The following TBC1D4 variants were observed in gnomAD, a reference collection of about 807,000 sequenced individuals.
The protein encoded by TBC1D4 is TBC1 domain family member 4.
In TBC1D4, 121 loss-of-function variants were observed where a neutral mutation model predicts 142.5. The observed-to-expected ratio is 0.85, with a 90% CI of 0.73 to 0.99. The LOEUF (loss-of-function observed/expected upper bound fraction) is 0.99, where lower values mean the gene tolerates loss of function less well. Among genes scored for constraint, TBC1D4 ranks in the 50% least tolerant of loss-of-function variants. The pLI is 0.00. For synonymous variants in TBC1D4, 630 were observed against 628.2 expected (o/e 1.00, Z -0.04); for missense variants, 1,475 against 1,606.6 (o/e 0.92, Z 1.40).
intron 2 of TBC1D4, 74 bp downstream of exon 2, chr13:75,361,952 G>A: frequency 6.6e-7 from 1 of 1,521,794 alleles, no homozygotes; most frequent in Non-Finnish European, 9.1e-7. Flanking sequence ...GTGGAGCTGG[G>A]AGGAACTGGA....
Position 75,309,942 on chromosome 13 carries a change from C to A in TBC1D4, c.2593G>T (p.Ala865Ser). 2 of 1,614,030 alleles carry A rather than the reference C, an allele frequency of 1.2e-6. No homozygotes were observed. Among genetic ancestry groups the A allele is most frequent in the Non-Finnish European group, 8.5e-7 (1 of 1,179,942 alleles). The change falls in exon 14 of 21, where the codon GCA becomes TCA. Residue 865 changes from alanine (A) to serine (S), a missense_variant and splice_region_variant. Transcript: ENST00000377636. Reference sequence around the variant, plus strand: ...CATTTAGTCTGTTAAAATGGCTAACCTTCAAGTTTCTGGTTTTCTTTTTCC... The same window carrying A: ...CATTTAGTCTGTTAAAATGGCTAACATTCAAGTTTCTGGTTTTCTTTTTCC... ...RMEKENQKLE[A>S]SRDELQSRKV...
At chr13:75,435,355 TAA>T (rs576899199) in intron 1 of TBC1D4, among the ~76,000 whole-genome samples, 1 of 138,068 alleles carries the variant, frequency 7.2e-6, no homozygotes. Flanking sequence ...TAATTACGAC[TAA>T]AAAAAAAAAA....
Position 75,326,210 on chromosome 13 carries a change from T to TG in TBC1D4, c.2019dup (p.Ser674GlnfsTer2). 4 of 1,614,180 alleles carry TG rather than the reference T, an allele frequency of 2.5e-6. No individual in the cohort carries two copies. Among genetic ancestry groups the TG allele is most frequent in the Non-Finnish European group, 3.4e-6 (4 of 1,180,026 alleles). On this transcript the variant is annotated frameshift_variant, in exon 10 of 21. Transcript: ENST00000377636. LOFTEE classifies it high-confidence loss of function. ...GGTCAGACTCACCTGCACTGTTCACTGGAGCTCTGCCTCAGCAGAGGGGAA... is the reference window on the plus strand; with the variant it reads ...GGTCAGACTCACCTGCACTGTTCACTGGGAGCTCTGCCTCAGCAGAGGGGAA...
At chr13:75,419,997 T>C (rs758625250) in intron 1 of TBC1D4, among the ~76,000 whole-genome samples, 1 of 152,114 alleles carries the variant, frequency 6.6e-6, no homozygotes, top group South Asian at 2.1e-4. Context: ...GAGCAGGATG[T>C]CACTGGGCAG....
intron 1 of TBC1D4, among the ~76,000 whole-genome samples, chr13:75,454,238 A>C (rs1002787798): frequency 1.3e-5 from 2 of 152,170 alleles, no homozygotes; most frequent in African/African-American, 4.8e-5. Flanking sequence ...AAAAACAAAA[A>C]TAAAAATATA....
intron 16 of TBC1D4, 141 bp downstream of exon 16, chr13:75,302,099 CCCT>C (rs1425126352): frequency 1.1e-6 from 1 of 946,932 alleles, no homozygotes. Context: ...GGCCAACTTG[CCCT>C]CAGTAAAGGA....
chr13:75,450,963 T>A (rs1887507857), intron 1 of TBC1D4, among the ~76,000 whole-genome samples: 1 of 152,154 alleles, frequency 6.6e-6, no homozygotes, highest in South Asian at 2.1e-4. Context: ...GTCCAGGGAT[T>A]TAGAAGTTAC....
intron 1 of TBC1D4, among the ~76,000 whole-genome samples, chr13:75,442,230 C>A (rs746763535): frequency 1.2e-4 from 19 of 152,108 alleles, no homozygotes; most frequent in Non-Finnish European, 2.8e-4. Flanking sequence ...ATCTTAAAAC[C>A]TCAGTTTCTT....
Position 75,362,019 on chromosome 13 carries a change from G to T in TBC1D4, c.1080+7C>A. ...GGCAAGGGCAGACAGCGTCCGATCA[G>T]GTGTACCTGGAAGAGCATGGTCCTG... On this transcript the variant is annotated splice_region_variant and intron_variant, in intron 2 of 20. Coordinates refer to ENST00000377636, the MANE Select transcript of TBC1D4 (RefSeq NM_014832.5). The surrounding 1 kb of genome is among the most constrained non-coding windows in gnomAD (Gnocchi z 4.2). The T allele has an allele frequency of 6.2e-7, 1 of 1,614,108 alleles. No individual in the cohort carries two copies. Among genetic ancestry groups the T allele is most frequent in the Non-Finnish European group, 8.5e-7 (1 of 1,180,000 alleles).
At chr13:75,429,969 G>A (rs1886528964) in intron 1 of TBC1D4, among the ~76,000 whole-genome samples, 1 of 152,132 alleles carries the variant, frequency 6.6e-6, no homozygotes, top group South Asian at 2.1e-4. Flanking sequence ...TCTGGAATAG[G>A]AGAAGAGCTA....
At chr13:75,304,593 G>GA (rs772031357) in intron 15 of TBC1D4, among the ~76,000 whole-genome samples, 4 of 152,150 alleles carry the variant, frequency 2.6e-5, no homozygotes, top group African/African-American at 9.7e-5. Flanking sequence ...TTTGGTCGGG[G>GA]GGCAGGGGTG....
At chr13:75,430,863 C>T (rs1238626374) in intron 1 of TBC1D4, among the ~76,000 whole-genome samples, 3 of 152,168 alleles carry the variant, frequency 2.0e-5, no homozygotes, top group African/African-American at 4.8e-5. Context: ...AGTGTGTCTG[C>T]TCACATTTAC....
chr13:75,336,063 G>C (rs1003852416), intron 8 of TBC1D4, among the ~76,000 whole-genome samples: 1 of 151,812 alleles, frequency 6.6e-6, no homozygotes, highest in Non-Finnish European at 1.5e-5. Context: ...TCAAATAAAG[G>C]CCCCAGAATA....
At chr13:75,369,001 A>G (rs1883079163) in intron 1 of TBC1D4, among the ~76,000 whole-genome samples, 1 of 152,076 alleles carries the variant, frequency 6.6e-6, no homozygotes, top group Non-Finnish European at 1.5e-5. Flanking sequence ...CAGAGATTGC[A>G]CCACTGCACT....
chr13:75,292,044 T>G, intron 19 of TBC1D4, 58 bp downstream of exon 19: 1 of 1,420,282 alleles, frequency 7.0e-7, no homozygotes, highest in Non-Finnish European at 9.7e-7. Flanking sequence ...GCTAAAGCAT[T>G]TAATATATAT....
At position 75,305,410 on chromosome 13, in the gene TBC1D4, G is replaced by A. The variant is rs535633253; in HGVS notation, c.2752+903C>T. Among the ~76,000 whole-genome samples the A allele has an allele frequency of 1.1e-3, 160 of 152,262 alleles. 1 individual carries two copies. The highest frequency in any genetic ancestry group is 3.7e-3 in the African/African-American group (153 of 41,540). The stretch of plus-strand genomic sequence containing the variant: ...ATCTTTGAAAGTCATGCCAAAAAAT[G>A]GTGTGATCTACATCTCATAGACATT... On this transcript the variant is annotated intron_variant, in intron 15 of 20. Transcript: ENST00000377636.
intron 1 of TBC1D4, among the ~76,000 whole-genome samples, chr13:75,420,386 T>A (rs1886114679): frequency 6.6e-6 from 1 of 152,158 alleles, no homozygotes; most frequent in African/African-American, 2.4e-5. Flanking sequence ...AGCATGTAAA[T>A]CATAAATACA....
At chr13:75,335,242 G>A (rs917561901) in intron 8 of TBC1D4, among the ~76,000 whole-genome samples, 5 of 152,002 alleles carry the variant, frequency 3.3e-5, no homozygotes, top group African/African-American at 7.3e-5. Context: ...ACCCTGCATC[G>A]GGCCATCCCC....
chr13:75,429,005 G>T (rs1036831236), intron 1 of TBC1D4, among the ~76,000 whole-genome samples: 1 of 152,112 alleles, frequency 6.6e-6, no homozygotes, highest in Non-Finnish European at 1.5e-5. Context: ...TGCCTTTGCC[G>T]AATCACCTGA....
Sources: allele counts gnomAD v4.1 joint callset (sites outside exome capture counted in the v4.1 genomes callset), GRCh38; gene constraint gnomAD v4.1.1; non-coding constraint Gnocchi (gnomAD v3.1); transcripts MANE v1.5; gene names NCBI Gene and HGNC (gene_info 2026-07-23, HGNC 2026-07-21).